The following PIK3R6 variants were observed in gnomAD, a reference collection of about 807,000 sequenced individuals.
The protein encoded by PIK3R6 is phosphoinositide 3-kinase regulatory subunit 6.
A neutral mutation model predicts 84.9 loss-of-function variants in PIK3R6; 91 were observed. The observed-to-expected ratio is 1.07, with a 90% CI of 0.90 to 1.28. PIK3R6 has a LOEUF of 1.28. Among genes scored for constraint, PIK3R6 ranks in the 50% most tolerant of loss-of-function variants. The pLI is 0.00. For missense variants in PIK3R6, 996 were observed against 985.1 expected (o/e 1.01, Z -0.15); for synonymous variants, 416 against 411.4 (o/e 1.01, Z -0.13).
intron 18 of PIK3R6, among the ~76,000 whole-genome samples, chr17:8,805,595 G>T (rs925943204): frequency 6.6e-6 from 1 of 152,140 alleles, no homozygotes; most frequent in African/African-American, 2.4e-5. Flanking sequence ...AGGGGAGAGG[G>T]GGCTTCTCCC....
chr17:8,831,714 C>T (rs989051396), intron 9 of PIK3R6, among the ~76,000 whole-genome samples: 1 of 152,206 alleles, frequency 6.6e-6, no homozygotes, highest in Non-Finnish European at 1.5e-5. Context: ...GGATTCCAGT[C>T]CTTAACCCCA....
intron 1 of PIK3R6, among the ~76,000 whole-genome samples, chr17:8,860,102 A>G (rs2089235731): frequency 6.6e-6 from 1 of 152,306 alleles, no homozygotes; most frequent in South Asian, 2.1e-4. Context: ...GTATGGTAAA[A>G]ATCTGAAAGG....
At position 8,838,770 on chromosome 17, in the gene PIK3R6, G is replaced by A. The variant is rs1227816736; in HGVS notation, c.98-115C>T. ...CAGCTGCAGCTCTGACCAGCCACGGGTGTGACCCCGCCACCAGCGCTTGGC... is the reference window on the plus strand; with the variant it reads ...CAGCTGCAGCTCTGACCAGCCACGGATGTGACCCCGCCACCAGCGCTTGGC... On this transcript the variant is annotated intron_variant, in intron 3 of 19. Coordinates refer to ENST00000619866, the MANE Select transcript of PIK3R6 (RefSeq NM_001010855.4). 7.4e-6 allele frequency: 7 copies of A among 949,486 alleles called. No homozygotes were observed. The East Asian group carries it at 8.1e-5, about 11-fold the overall frequency. 58.8% of individuals were successfully genotyped at this position (949,486 alleles called of 1,614,324 possible). A position where few individuals can be genotyped will look rare whatever the true frequency, so the allele number is the denominator to read the frequency against.
At chr17:8,829,621 T>A (rs1006093902) in intron 10 of PIK3R6, 85 bp downstream of exon 10, 1 of 1,317,262 alleles carries the variant, frequency 7.6e-7, no homozygotes, top group Non-Finnish European at 1.0e-6. Flanking sequence ...GACACACGCA[T>A]GCACACTGAC....
intron 12 of PIK3R6, 22 bp downstream of exon 12, chr17:8,828,090 C>A (rs1251374768): frequency 1.2e-6 from 2 of 1,611,878 alleles, no homozygotes; most frequent in African/African-American, 2.7e-5. Flanking sequence ...GCCCCGCCAC[C>A]GCCTCCCCGC....
intron 1 of PIK3R6, among the ~76,000 whole-genome samples, chr17:8,859,932 GTCTC>G (rs1436875548): frequency 2.6e-5 from 4 of 152,006 alleles, no homozygotes; most frequent in Non-Finnish European, 4.4e-5. Context: ...CCACCTCCCA[GTCTC>G]TCTCTCTATC....
chr17:8,857,918 AG>A (rs1167084557), intron 1 of PIK3R6, among the ~76,000 whole-genome samples: 3 of 148,030 alleles, frequency 2.0e-5, no homozygotes, highest in African/African-American at 7.7e-5. Context: ...AAAAAAAAAA[AG>A]GGAAAGTAAA....
In PIK3R6 at chr17:8,829,252, C is replaced by T. The variant is rs532523608; in HGVS notation, c.890-262G>A. 6.6e-5 allele frequency among the ~76,000 whole-genome samples: 10 copies of T among 150,990 alleles called. No homozygotes were observed. The East Asian group carries it at 7.9e-4, about 12-fold the overall frequency. Reference sequence around the variant, plus strand: ...AGACACACTGAAACACATGCATGCACGCATACACACACAGACACACTGACA... The same window carrying T: ...AGACACACTGAAACACATGCATGCATGCATACACACACAGACACACTGACA... On this transcript the variant is annotated intron_variant, in intron 10 of 19. Transcript: ENST00000619866.
Position 8,829,736 on chromosome 17 carries a change from A to T in PIK3R6, c.859T>A (p.Phe287Ile). ...TGCTCCTCACCGGTCCACAAGTGGA[A>T]GGTGATGTAGGGGCTGGGCAGGGGA... ...SIPLPSPYIT[F>I]HLWTGEEQLW... Residue 287 changes from phenylalanine (F) to isoleucine (I), a missense_variant, in exon 10 of 20, where the codon TTC (phenylalanine) becomes ATC (isoleucine). By Grantham distance (21) the Phe-to-Ile change is conservative. Coordinates refer to ENST00000619866, the MANE Select transcript of PIK3R6 (RefSeq NM_001010855.4). The T allele has an allele frequency of 6.4e-7, 1 of 1,553,636 alleles. No homozygotes were observed. The highest frequency in any genetic ancestry group is 8.7e-7 in the Non-Finnish European group (1 of 1,148,256).
intron 1 of PIK3R6, among the ~76,000 whole-genome samples, chr17:8,860,173 C>A (rs1337880674): frequency 6.6e-6 from 1 of 152,136 alleles, no homozygotes; most frequent in Non-Finnish European, 1.5e-5. Flanking sequence ...GCCCAAGGGT[C>A]CCCAAACCCC....
chr17:8,843,221 AAT>A (rs1376112932), intron 2 of PIK3R6, among the ~76,000 whole-genome samples: 1 of 152,206 alleles, frequency 6.6e-6, no homozygotes, highest in African/African-American at 2.4e-5. Flanking sequence ...TTAATGAGTT[AAT>A]GCAGGATGAG....
chr17:8,819,781 CATAT>C (rs570134761), intron 17 of PIK3R6, among the ~76,000 whole-genome samples: 2 of 145,502 alleles, frequency 1.4e-5, no homozygotes, highest in African/African-American at 5.1e-5. Context: ...TATACGCACA[CATAT>C]ATATGTGTAT....
In PIK3R6 at chr17:8,833,057, G is replaced by C. The variant is rs1381375354; in HGVS notation, c.646-12C>G. On this transcript the variant is annotated splice_polypyrimidine_tract_variant and intron_variant, in intron 8 of 19. Transcript: ENST00000619866. ...CGGCGAGGGCTGGCCTGTTGGGGAG[G>C]GGCGTCAGAGCCTGGGTCTTGGCCC... is the stretch of plus-strand genomic sequence containing the variant. 1 of 1,563,800 alleles carries C rather than the reference G, an allele frequency of 6.4e-7. No individual in the cohort carries two copies. Among genetic ancestry groups the C allele is most frequent in the Non-Finnish European group, 8.6e-7 (1 of 1,158,244 alleles).
chr17:8,820,166 G>C (rs2151204226), intron 17 of PIK3R6, among the ~76,000 whole-genome samples: 1 of 149,356 alleles, frequency 6.7e-6, no homozygotes, highest in East Asian at 2.0e-4. Flanking sequence ...AGAGTATAAT[G>C]TGTCAAAAAT....
chr17:8,867,082 CTT>C (rs1017429478), intron 1 of PIK3R6, among the ~76,000 whole-genome samples: 1 of 152,224 alleles, frequency 6.6e-6, no homozygotes, highest in Non-Finnish European at 1.5e-5. Context: ...ACTCTGCAAT[CTT>C]TGGCAAGTTG....
rs1275322647 is a variant in PIK3R6, at chr17:8,803,796, G to C, written c.2108+245C>G. ...GGAGGCTGCAGGCTGAGTGTATGCA[G>C]AGGCATCTGGGGAAAATGCAATATC... On this transcript the variant is annotated intron_variant, in intron 19 of 19. Coordinates refer to ENST00000619866, the MANE Select transcript of PIK3R6 (RefSeq NM_001010855.4). This position sits in a 1 kb window ranked among gnomAD's most constrained non-coding sequence, Gnocchi z 5.0. 1 of 584,956 alleles carries C rather than the reference G, an allele frequency of 1.7e-6. No individual in the cohort carries two copies. Among genetic ancestry groups the C allele is most frequent in the Admixed American group, 3.0e-5 (1 of 33,362 alleles). 36.2% of individuals were successfully genotyped at this position (584,956 alleles called of 1,614,324 possible).
chr17:8,830,107 G>A (rs16957646), intron 9 of PIK3R6, among the ~76,000 whole-genome samples: 1 of 152,204 alleles, frequency 6.6e-6, no homozygotes, highest in Non-Finnish European at 1.5e-5. Context: ...CTTCAGCCCT[G>A]TGCAGCTGCC....
At chr17:8,836,081 G>A (rs912306230) in intron 7 of PIK3R6, among the ~76,000 whole-genome samples, 1 of 152,182 alleles carries the variant, frequency 6.6e-6, no homozygotes, top group Admixed American at 6.5e-5. Context: ...ACACGAGCAG[G>A]GGACACTTCC....
intron 18 of PIK3R6, among the ~76,000 whole-genome samples, chr17:8,804,377 G>A (rs887085123): frequency 4.6e-5 from 7 of 152,222 alleles, no homozygotes; most frequent in Admixed American, 1.3e-4. Flanking sequence ...CCAGCCTGCC[G>A]TCCTTGATTT....
Sources: gnomAD v4.1 joint callset for allele counts (sites outside exome capture counted in the v4.1 genomes callset) on GRCh38, gnomAD v4.1.1 for gene constraint, Gnocchi (gnomAD v3.1) non-coding constraint, MANE v1.5 for transcripts, NCBI Gene and HGNC (gene_info 2026-07-23, HGNC 2026-07-21) for gene names.